Variants in LSAMP observed in about 807,000 individuals in gnomAD.
The protein encoded by LSAMP is limbic system associated membrane protein.
In LSAMP, 7 loss-of-function variants were observed where a neutral mutation model predicts 38.6. That is an observed-to-expected ratio of 0.18 (90% CI 0.10 to 0.34). The LOEUF (loss-of-function observed/expected upper bound fraction) is 0.34. Among genes scored for constraint, LSAMP ranks in the 10% least tolerant of loss-of-function variants. The probability of loss-of-function intolerance (pLI) is 1.00; values close to 1 mark genes in which losing one functional copy is unlikely to be tolerated. For synonymous variants in LSAMP, 154 were observed against 166.8 expected, an observed-to-expected ratio of 0.92 and a Z score of 0.59; for missense variants, 313 against 420.0, an observed-to-expected ratio of 0.75 and a Z score of 2.23.
intron 3 of LSAMP, among the ~76,000 whole-genome samples, chr3:115,861,651 T>G (rs1236963818): frequency 6.6e-6 from 1 of 152,172 alleles, no homozygotes; most frequent in African/African-American, 2.4e-5. Flanking sequence ...AGCTAATGAC[T>G]TCCTAAGTGT....
intron 1 of LSAMP, among the ~76,000 whole-genome samples, chr3:116,243,477 T>C (rs2046566155): frequency 6.6e-6 from 1 of 152,234 alleles, no homozygotes; most frequent in Admixed American, 6.5e-5. Flanking sequence ...TTTTTTCACT[T>C]TTCTATGTGT....
At chr3:116,033,762 T>A (rs1281400370) in intron 2 of LSAMP, among the ~76,000 whole-genome samples, 1 of 152,054 alleles carries the variant, frequency 6.6e-6, no homozygotes, top group Non-Finnish European at 1.5e-5. Flanking sequence ...TAACTGCCAC[T>A]GGAACTCTGG....
At chr3:116,261,697 A>T (rs1478871273) in intron 1 of LSAMP, among the ~76,000 whole-genome samples, 2 of 152,088 alleles carry the variant, frequency 1.3e-5, no homozygotes, top group East Asian at 1.9e-4. Context: ...TTCTTAGCCA[A>T]CTAAAAGCAG....
At chr3:116,290,587 T>A (rs151325862) in intron 1 of LSAMP, among the ~76,000 whole-genome samples, 1 of 151,598 alleles carries the variant, frequency 6.6e-6, no homozygotes, top group Non-Finnish European at 1.5e-5. Flanking sequence ...AAAATTAGCC[T>A]GGTGTGGTGG....
intron 1 of LSAMP, among the ~76,000 whole-genome samples, chr3:116,113,418 A>ATTTT (rs1409685565): frequency 6.5e-4 from 36 of 55,474 alleles, no homozygotes; most frequent in Admixed American, 1.6e-3. Flanking sequence ...ATATATATAT[A>ATTTT]TATTTTTTTT....
At chr3:115,866,944 A>AG (rs1559858446) in intron 3 of LSAMP, among the ~76,000 whole-genome samples, 1 of 152,076 alleles carries the variant, frequency 6.6e-6, no homozygotes, top group Non-Finnish European at 1.5e-5. Context: ...GCAGGCAAGC[A>AG]GAATGGGTAC....
chr3:115,852,649 T>C (rs1313141184), intron 3 of LSAMP, 32 bp from the exon 4 acceptor site: 4 of 1,597,352 alleles, frequency 2.5e-6, no homozygotes, highest in Non-Finnish European at 2.6e-6. Flanking sequence ...GATTCTTTTT[T>C]AAAGTCTGAA....
chr3:116,429,845 A>G (rs1310771304), intron 1 of LSAMP, among the ~76,000 whole-genome samples: 2 of 152,208 alleles, frequency 1.3e-5, no homozygotes, highest in African/African-American at 4.8e-5. Context: ...TTTGAACCAT[A>G]TTGACCAAGA....
At chr3:115,954,964 T>TG (rs1938407322) in intron 3 of LSAMP, among the ~76,000 whole-genome samples, 5 of 151,786 alleles carry the variant, frequency 3.3e-5, no homozygotes, top group East Asian at 1.9e-4. Flanking sequence ...TTTTTGTTTT[T>TG]TTTTTTTTGA....
At chr3:115,834,794 G>T (rs1934731210) in intron 6 of LSAMP, among the ~76,000 whole-genome samples, 1 of 152,038 alleles carries the variant, frequency 6.6e-6, no homozygotes, top group Non-Finnish European at 1.5e-5. Flanking sequence ...AATTAAAAAT[G>T]CAGAGCCTTT....
chr3:116,067,458 C>T lies in LSAMP; in HGVS notation c.388+18866G>A, dbSNP rs568466110. On this transcript the variant is annotated intron_variant, in intron 2 of 6. Coordinates refer to ENST00000490035, the MANE Select transcript of LSAMP (RefSeq NM_002338.5). ...ACTGCTGTGAAATGTGGACCTCATA[C>T]AGCAGCCGAGGTATATAAATATGCA... is the stretch of plus-strand genomic sequence containing the variant. Among the ~76,000 whole-genome samples the T allele has an allele frequency of 3.3e-5, 5 of 152,320 alleles. No individual in the cohort carries two copies. The East Asian group carries it at 9.6e-4, about 29-fold the overall frequency.
intron 3 of LSAMP, among the ~76,000 whole-genome samples, chr3:115,973,670 G>A (rs1939090533): frequency 6.6e-6 from 1 of 152,022 alleles, no homozygotes; most frequent in South Asian, 2.1e-4. Context: ...GGAGGTGGAG[G>A]TTGCAGTGAG....
chr3:116,133,644 T>C (rs1277447959), intron 1 of LSAMP, among the ~76,000 whole-genome samples: 1 of 152,098 alleles, frequency 6.6e-6, no homozygotes, highest in Non-Finnish European at 1.5e-5. Context: ...AAATAATACC[T>C]ACGTAATTAT....
intron 1 of LSAMP, among the ~76,000 whole-genome samples, chr3:116,310,374 A>G (rs1360695915): frequency 1.3e-5 from 2 of 152,198 alleles, no homozygotes; most frequent in Non-Finnish European, 2.9e-5. Context: ...AAACTAAGTC[A>G]GGTTCTGGAA....
At chr3:116,437,409 A>T (rs558620214) in intron 1 of LSAMP, among the ~76,000 whole-genome samples, 1 of 152,266 alleles carries the variant, frequency 6.6e-6, no homozygotes, top group Non-Finnish European at 1.5e-5. Flanking sequence ...GGAAAAAAAA[A>T]TAATAAAAAC....
At chr3:116,016,081 C>A (rs542631364) in intron 3 of LSAMP, among the ~76,000 whole-genome samples, 1 of 152,026 alleles carries the variant, frequency 6.6e-6, no homozygotes, top group African/African-American at 2.4e-5. Flanking sequence ...GGAGCAGAGT[C>A]TCTTCTTTGG....
At chr3:116,395,916 A>G (rs1576190310) in intron 1 of LSAMP, among the ~76,000 whole-genome samples, 1 of 152,238 alleles carries the variant, frequency 6.6e-6, no homozygotes, top group Non-Finnish European at 1.5e-5. Flanking sequence ...TGACAGCTTC[A>G]TAATGGACAG....
intron 2 of LSAMP, among the ~76,000 whole-genome samples, chr3:116,022,543 T>C (rs1301739003): frequency 4.6e-5 from 7 of 152,214 alleles, no homozygotes; most frequent in Admixed American, 2.6e-4. Flanking sequence ...GCTCTGTTGA[T>C]GCTCCTTCCA....
At chr3:116,444,841 G>T in intron 1 of LSAMP, 36 bp downstream of exon 1, 1 of 1,612,368 alleles carries the variant, frequency 6.2e-7, no homozygotes, top group Non-Finnish European at 8.5e-7. Flanking sequence ...CACACGTGTA[G>T]ACGCGCGCAG....
Sources: allele counts gnomAD v4.1 joint callset (sites outside exome capture counted in the v4.1 genomes callset), GRCh38; gene constraint gnomAD v4.1.1; transcripts MANE v1.5; gene names NCBI Gene and HGNC (gene_info 2026-07-23, HGNC 2026-07-21).